Variants in GPC6 observed in about 807,000 individuals in gnomAD.
GPC6 encodes glypican 6, also known as glypican-6.
A neutral mutation model predicts 55.2 loss-of-function variants in GPC6; 14 were observed. The observed-to-expected ratio is 0.25, with a 90% CI of 0.17 to 0.40. The LOEUF (loss-of-function observed/expected upper bound fraction) is 0.40. Among genes scored for constraint, GPC6 ranks in the 10% least tolerant of loss-of-function variants. The probability of loss-of-function intolerance (pLI) is 1.00; values close to 1 mark genes in which losing one functional copy is unlikely to be tolerated. For missense variants in GPC6, 641 were observed against 708.5 expected, an observed-to-expected ratio of 0.90 and a Z score of 1.08; for synonymous variants, 278 against 259.6, an observed-to-expected ratio of 1.07 and a Z score of -0.68.
At chr13:94,201,744 T>G (rs1889756920) in intron 4 of GPC6, among the ~76,000 whole-genome samples, 2 of 151,368 alleles carry the variant, frequency 1.3e-5, no homozygotes, top group Admixed American at 1.3e-4. Context: ...AGGTCAGGAG[T>G]TTGAGACCAG....
intron 4 of GPC6, among the ~76,000 whole-genome samples, chr13:94,097,368 G>A (rs1454986841): frequency 1.3e-5 from 2 of 151,960 alleles, no homozygotes; most frequent in Admixed American, 6.6e-5. Flanking sequence ...TTAGCTGGGC[G>A]TGGTGGCGGG....
chr13:94,286,189 A>G (rs1195948146), intron 4 of GPC6, among the ~76,000 whole-genome samples, 160 bp from the exon 5 acceptor site: 1 of 152,244 alleles, frequency 6.6e-6, no homozygotes, highest in Non-Finnish European at 1.5e-5. Flanking sequence ...CAATCGTCCT[A>G]AGATTCAGTC....
At chr13:94,157,914 A>G (rs541405368) in intron 4 of GPC6, among the ~76,000 whole-genome samples, 1 of 152,262 alleles carries the variant, frequency 6.6e-6, no homozygotes, top group East Asian at 1.9e-4. Context: ...GGAAAGGGGG[A>G]GTCAAGGATA....
chr13:93,335,068 T>C (rs1879998403), intron 1 of GPC6, among the ~76,000 whole-genome samples: 1 of 152,220 alleles, frequency 6.6e-6, no homozygotes. Flanking sequence ...TGTTGATGCA[T>C]CTTGAAAATC....
intron 4 of GPC6, among the ~76,000 whole-genome samples, chr13:94,209,382 T>G (rs1233915281): frequency 2.0e-5 from 3 of 152,232 alleles, no homozygotes; most frequent in Non-Finnish European, 2.9e-5. Context: ...ATAAAATACA[T>G]AATTATGAAC....
At chr13:94,322,409 G>A (rs892992498) in intron 6 of GPC6, among the ~76,000 whole-genome samples, 1 of 152,184 alleles carries the variant, frequency 6.6e-6, no homozygotes, top group Non-Finnish European at 1.5e-5. Context: ...AGGCAGAGAA[G>A]AGGTACCAGG....
chr13:94,030,099 T>C (rs912776297), intron 4 of GPC6, among the ~76,000 whole-genome samples: 1 of 150,346 alleles, frequency 6.7e-6, no homozygotes, highest in African/African-American at 2.5e-5. Context: ...GCCTCCCGGG[T>C]TCATGCCATT....
chr13:93,474,053 T>A (rs1879220256), intron 1 of GPC6, among the ~76,000 whole-genome samples: 1 of 152,222 alleles, frequency 6.6e-6, no homozygotes, highest in Non-Finnish European at 1.5e-5. Flanking sequence ...CCGGATTGCC[T>A]GTAGCTGACA....
intron 1 of GPC6, among the ~76,000 whole-genome samples, chr13:93,526,644 T>C (rs577208613): frequency 1.1e-4 from 17 of 152,196 alleles, no homozygotes; most frequent in African/African-American, 4.1e-4. Flanking sequence ...TGCAATGACA[T>C]AGGCTGAAGT....
At chr13:93,376,620 G>A (rs4325418) in intron 1 of GPC6, among the ~76,000 whole-genome samples, 52,507 of 152,034 alleles carry the variant, frequency 0.35, 11,394 homozygotes, top group Non-Finnish European at 0.5. Context: ...CACCCGACAT[G>A]ATTGTAAATG....
At chr13:94,239,727 C>T (rs914063683) in intron 4 of GPC6, among the ~76,000 whole-genome samples, 7 of 152,080 alleles carry the variant, frequency 4.6e-5, no homozygotes, top group Non-Finnish European at 7.4e-5. Context: ...CAAAGTTAAG[C>T]GTTGCCTTGC....
chr13:93,608,696 T>G (rs1351810865), intron 2 of GPC6, among the ~76,000 whole-genome samples: 1 of 152,196 alleles, frequency 6.6e-6, no homozygotes, highest in Non-Finnish European at 1.5e-5. Context: ...AACAGTCTAA[T>G]TCCTGAGGAA....
intron 3 of GPC6, among the ~76,000 whole-genome samples, chr13:93,847,327 T>C (rs866279654): frequency 8.5e-5 from 13 of 152,152 alleles, no homozygotes; most frequent in Middle Eastern, 3.4e-3. Context: ...AAATGCCCAA[T>C]TATGATCATG....
At chr13:94,057,958 T>A (rs1385427086) in intron 4 of GPC6, among the ~76,000 whole-genome samples, 1 of 152,206 alleles carries the variant, frequency 6.6e-6, no homozygotes, top group African/African-American at 2.4e-5. Context: ...ATCTGAAACA[T>A]GCCCCCAGAG....
intron 6 of GPC6, among the ~76,000 whole-genome samples, chr13:94,377,644 C>T (rs1879946348): frequency 6.6e-6 from 1 of 151,716 alleles, no homozygotes; most frequent in African/African-American, 2.4e-5. Context: ...GTGGCGATTC[C>T]TCAGGGATCT....
intron 1 of GPC6, among the ~76,000 whole-genome samples, chr13:93,514,910 T>C (rs572749144): frequency 5.3e-5 from 8 of 152,266 alleles, no homozygotes; most frequent in Non-Finnish European, 1.2e-4. Flanking sequence ...ATATGAAAAT[T>C]ACATAACTCA....
At chr13:94,193,685 G>A (rs947137485) in intron 4 of GPC6, among the ~76,000 whole-genome samples, 2 of 152,192 alleles carry the variant, frequency 1.3e-5, no homozygotes, top group African/African-American at 2.4e-5. Flanking sequence ...CAGTGGGCTA[G>A]CCCGACTACA....
chr13:93,833,601 A>G (rs1428677732), intron 3 of GPC6, among the ~76,000 whole-genome samples: 3 of 151,552 alleles, frequency 2.0e-5, no homozygotes. Flanking sequence ...TTCTCTCTAC[A>G]TTTATGGTGA....
intron 4 of GPC6, among the ~76,000 whole-genome samples, chr13:94,241,743 AC>A (rs1891059508): frequency 6.6e-6 from 1 of 151,518 alleles, no homozygotes; most frequent in African/African-American, 2.4e-5. Flanking sequence ...TGTGAAGAAA[AC>A]CCTTTTAGAT....
Sources: allele counts gnomAD v4.1 joint callset (sites outside exome capture counted in the v4.1 genomes callset), GRCh38; gene constraint gnomAD v4.1.1; transcripts MANE v1.5; gene names NCBI Gene and HGNC (gene_info 2026-07-23, HGNC 2026-07-21).